The following AGBL4 variants were observed in gnomAD, a reference collection of about 807,000 sequenced individuals.
AGBL4 encodes the protein AGBL carboxypeptidase 4, also known as cytosolic carboxypeptidase 6.
A neutral mutation model predicts 66.4 loss-of-function variants in AGBL4; 58 were observed. That is an observed-to-expected ratio of 0.87 (90% CI 0.71 to 1.09). AGBL4 has a LOEUF of 1.09. AGBL4 is among the 50% of genes least tolerant of loss of function. The probability of loss-of-function intolerance (pLI) is 0.00; values close to 1 mark genes in which losing one functional copy is unlikely to be tolerated. For missense variants in AGBL4, 579 were observed against 631.0 expected, an observed-to-expected ratio of 0.92 and a Z score of 0.88; for synonymous variants, 234 against 222.9, an observed-to-expected ratio of 1.05 and a Z score of -0.44.
chr1:49,022,026 T>C (rs892473546), intron 5 of AGBL4, among the ~76,000 whole-genome samples: 2 of 152,174 alleles, frequency 1.3e-5, no homozygotes, highest in East Asian at 1.9e-4. Flanking sequence ...TCTGCTGACC[T>C]AGTTAGAAAA....
intron 1 of AGBL4, among the ~76,000 whole-genome samples, chr1:50,009,364 T>G (rs1274920142): frequency 6.6e-6 from 1 of 152,066 alleles, no homozygotes; most frequent in African/African-American, 2.4e-5. Context: ...TCAACATATG[T>G]AAATCAATCA....
intron 5 of AGBL4, among the ~76,000 whole-genome samples, chr1:48,965,792 G>A (rs573874252): frequency 2.0e-5 from 3 of 152,202 alleles, no homozygotes; most frequent in Non-Finnish European, 2.9e-5. Context: ...ATATAAGCAG[G>A]CAAATATAAG....
rs1305116615 is a variant in AGBL4 at position 49,200,586 on chromosome 1, T to C, written c.377+45184A>G. On this transcript the variant is annotated intron_variant, in intron 4 of 13. Transcript: ENST00000371839. ...GACTGGCTATAAACCAAGGTTCCTA[T>C]AAACCCTCTTTGAGTTCAGTTAATT... Among the ~76,000 whole-genome samples, 7 of 152,200 alleles carry C rather than the reference T, an allele frequency of 4.6e-5. No homozygotes were observed. In the East Asian group the frequency reaches 9.6e-4, roughly 21 times the overall value.
At chr1:49,182,071 T>C (rs943397774) in intron 4 of AGBL4, among the ~76,000 whole-genome samples, 1 of 152,122 alleles carries the variant, frequency 6.6e-6, no homozygotes, top group Non-Finnish European at 1.5e-5. Flanking sequence ...GGGGTGAGAA[T>C]AGAAGAATTG....
At chr1:48,957,027 T>C (rs1407879926) in intron 5 of AGBL4, among the ~76,000 whole-genome samples, 1 of 152,216 alleles carries the variant, frequency 6.6e-6, no homozygotes, top group Non-Finnish European at 1.5e-5. Flanking sequence ...ATATACTTCA[T>C]ATTTTTTAAA....
chr1:49,963,410 A>C (rs886091236), intron 1 of AGBL4, among the ~76,000 whole-genome samples: 4 of 152,170 alleles, frequency 2.6e-5, no homozygotes, highest in Non-Finnish European at 4.4e-5. Context: ...CAGAGAAGCA[A>C]AACCTAACTC....
At chr1:49,309,944 A>T (rs1380263822) in intron 3 of AGBL4, among the ~76,000 whole-genome samples, 1 of 152,136 alleles carries the variant, frequency 6.6e-6, no homozygotes, top group Non-Finnish European at 1.5e-5. Context: ...TGTGGTGAGT[A>T]AAGTGCATGT....
At chr1:49,058,902 G>C (rs931722795) in intron 4 of AGBL4, among the ~76,000 whole-genome samples, 2 of 152,188 alleles carry the variant, frequency 1.3e-5, no homozygotes, top group Non-Finnish European at 2.9e-5. Context: ...ACTTGAGAGA[G>C]ATGATTTAGC....
chr1:49,182,756 T>G (rs1646951740), intron 4 of AGBL4, among the ~76,000 whole-genome samples: 1 of 152,184 alleles, frequency 6.6e-6, no homozygotes, highest in South Asian at 2.1e-4. Flanking sequence ...TTGAGCTGCC[T>G]TATATCAGGC....
chr1:49,032,227 A>C (rs1664287533), intron 5 of AGBL4, among the ~76,000 whole-genome samples: 1 of 152,170 alleles, frequency 6.6e-6, no homozygotes, highest in Admixed American at 6.5e-5. Context: ...GACCATGTTA[A>C]GAATTTGATA....
intron 3 of AGBL4, among the ~76,000 whole-genome samples, chr1:49,319,761 C>A (rs1645099717): frequency 6.6e-6 from 1 of 152,110 alleles, no homozygotes; most frequent in African/African-American, 2.4e-5. Context: ...GGCCTTCCTG[C>A]TGAGTCATCA....
chr1:49,418,380 G>T (rs548157682), intron 3 of AGBL4, among the ~76,000 whole-genome samples: 38 of 152,270 alleles, frequency 2.5e-4, no homozygotes, highest in Admixed American at 7.9e-4. Flanking sequence ...AAGAGCTATG[G>T]TTATAAAAAT....
chr1:49,316,970 A>G (rs1388367399), intron 3 of AGBL4, among the ~76,000 whole-genome samples: 2 of 151,950 alleles, frequency 1.3e-5, no homozygotes, highest in Non-Finnish European at 2.9e-5. Flanking sequence ...AGTGGAAAAT[A>G]GAGCAGGTTT....
At chr1:49,656,372 C>T (rs1646132594) in intron 3 of AGBL4, among the ~76,000 whole-genome samples, 1 of 152,108 alleles carries the variant, frequency 6.6e-6, no homozygotes, top group Non-Finnish European at 1.5e-5. Flanking sequence ...TAATAGCTTA[C>T]CAACCAAAAA....
chr1:49,062,770 T>C (rs1644425883), intron 4 of AGBL4, among the ~76,000 whole-genome samples: 1 of 152,200 alleles, frequency 6.6e-6, no homozygotes. Flanking sequence ...CTGGTTGAAA[T>C]GCTGATTCAA....
In AGBL4 at chr1:48,969,742, A is replaced by T. The variant is rs2813734; in HGVS notation, c.594+75842T>A. Reference sequence around the variant, plus strand: ...CATCATTAGCCAGAATGATAACTAGACAAGCAGTCTCCTTCAGCATCTAGG... The same window carrying T: ...CATCATTAGCCAGAATGATAACTAGTCAAGCAGTCTCCTTCAGCATCTAGG... On this transcript the variant is annotated intron_variant, in intron 5 of 13. Transcript: ENST00000371839. Among the ~76,000 whole-genome samples the T allele has an allele frequency of 5.3e-3, 804 of 152,234 alleles. 3 individuals are homozygous for T. The highest frequency in any genetic ancestry group is 8.4e-3 in the Non-Finnish European group (569 of 68,004).
At chr1:49,590,744 A>G (rs1571121058) in intron 3 of AGBL4, among the ~76,000 whole-genome samples, 2 of 152,084 alleles carry the variant, frequency 1.3e-5, no homozygotes, top group African/African-American at 2.4e-5. Flanking sequence ...TCTGGAAATT[A>G]GTGTTTCTAA....
chr1:48,600,049 G>T (rs1645051870), intron 9 of AGBL4, among the ~76,000 whole-genome samples: 1 of 152,100 alleles, frequency 6.6e-6, no homozygotes, highest in South Asian at 2.1e-4. Context: ...TACAAGGAAA[G>T]TGTGGTTTTA....
chr1:48,574,514 T>G (rs1644617919), intron 11 of AGBL4, among the ~76,000 whole-genome samples: 1 of 151,638 alleles, frequency 6.6e-6, no homozygotes, highest in Non-Finnish European at 1.5e-5. Context: ...CATAAAAATA[T>G]GTATATTTTT....
Sources: gnomAD v4.1 joint callset for allele counts (sites outside exome capture counted in the v4.1 genomes callset) on GRCh38, gnomAD v4.1.1 for gene constraint, MANE v1.5 for transcripts, NCBI Gene and HGNC (gene_info 2026-07-23, HGNC 2026-07-21) for gene names.